STAR: variants seen among roughly 807,000 people sequenced by gnomAD.
STAR encodes steroidogenic acute regulatory protein, mitochondrial.
In STAR, 32 loss-of-function variants were observed where a neutral mutation model predicts 32.3. The observed-to-expected ratio is 0.99, with a 90% CI of 0.75 to 1.33. STAR has a LOEUF of 1.33. Among genes scored for constraint, STAR ranks in the 40% most tolerant of loss-of-function variants. STAR has a pLI of 0.00. For synonymous variants in STAR, 134 were observed against 140.5 expected (o/e 0.95, Z 0.33); for missense variants, 375 against 379.0 (o/e 0.99, Z 0.09).
At chr8:38,150,012 C>G (rs984906873) in intron 1 of STAR, among the ~76,000 whole-genome samples, 3 of 151,870 alleles carry the variant, frequency 2.0e-5, no homozygotes, top group Non-Finnish European at 4.4e-5. Context: ...TCCCAGCTAC[C>G]CAGGAGGCGG....
At chr8:38,144,424 G>A in intron 6 of STAR, 38 bp from the exon 7 acceptor site, 1 of 1,557,326 alleles carries the variant, frequency 6.4e-7, no homozygotes, top group Non-Finnish European at 8.7e-7. Context: ...CATCTTGTGG[G>A]TTTTGGCCCA....
Position 38,146,570 on chromosome 8 carries a change from G to A in STAR, c.307-123C>T, listed in dbSNP as rs1802578197. 5.6e-6 allele frequency: 6 copies of A among 1,063,018 alleles called. No homozygotes were observed. In the East Asian group the frequency reaches 1.6e-4, roughly 28 times the overall value. 65.8% of individuals were successfully genotyped at this position (1,063,018 alleles called of 1,614,324 possible). ...AGGTGGGTGGATCACAAGGTCAGGA[G>A]TTCGAGACCAGCCTGGCCAAGATGG... On this transcript the variant is annotated intron_variant, in intron 3 of 6. Transcript: ENST00000276449.
chr8:38,150,865 T>TGCCGCC lies in STAR; in HGVS notation c.-53_-48dup. On this transcript the variant is annotated 5_prime_UTR_variant, in exon 1 of 7. Transcript: ENST00000276449. ...GTGGTGGGGTCGCTGCCGCTGCTGC[T>TGCCGCC]GCCGCCGCTGCTGCTGCCTCTTCTC... The TGCCGCC allele has an allele frequency of 6.3e-7, 1 of 1,599,360 alleles. No homozygotes were observed. The highest frequency in any genetic ancestry group is 8.5e-7 in the Non-Finnish European group (1 of 1,179,678).
At chr8:38,145,428 T>C in intron 5 of STAR, 113 bp from the exon 6 acceptor site, 1 of 1,446,952 alleles carries the variant, frequency 6.9e-7, no homozygotes, top group South Asian at 1.2e-5. Flanking sequence ...CTTTTCTGAG[T>C]CTCATCAGGG....
chr8:38,147,995 A>G (rs1802602786), intron 3 of STAR, among the ~76,000 whole-genome samples: 1 of 152,250 alleles, frequency 6.6e-6, no homozygotes. Context: ...GTGTTTCTCA[A>G]ACAGGACTCT....
intron 1 of STAR, among the ~76,000 whole-genome samples, chr8:38,149,976 C>A (rs1802639247): frequency 6.6e-6 from 1 of 152,108 alleles, no homozygotes; most frequent in African/African-American, 2.4e-5. Context: ...CAAAAACTAG[C>A]CAGGCGTGGT....
Position 38,150,871 on chromosome 8 carries a change from C to CGCTGCT in STAR, c.-59_-54dup. 1 of 1,600,676 alleles carries CGCTGCT rather than the reference C, an allele frequency of 6.2e-7. No homozygotes were observed. Among genetic ancestry groups the CGCTGCT allele is most frequent in the South Asian group, 1.1e-5 (1 of 91,044 alleles). ...GGGTCGCTGCCGCTGCTGCTGCCGCCGCTGCTGCTGCCTCTTCTCTCAAGG... is the reference window on the plus strand; with the variant it reads ...GGGTCGCTGCCGCTGCTGCTGCCGCCGCTGCTGCTGCTGCTGCCTCTTCTCTCAAGG... On this transcript the variant is annotated 5_prime_UTR_variant, in exon 1 of 7. Coordinates refer to ENST00000276449, the MANE Select transcript of STAR (RefSeq NM_000349.3).
Position 38,143,092 on chromosome 8 carries a change from T to C in STAR, c.*1181A>G, listed in dbSNP as rs540378886. The stretch of plus-strand genomic sequence containing the variant: ...ATCTTCATCTTCCAGGGCCCATTAA[T>C]CAGCTATTGCTTATAGAATTCTTTA... On this transcript the variant is annotated 3_prime_UTR_variant, in exon 7 of 7. Transcript: ENST00000276449. Among the ~76,000 whole-genome samples the C allele has an allele frequency of 6.6e-6, 1 of 152,322 alleles. No homozygotes were observed. Among genetic ancestry groups the C allele is most frequent in the African/African-American group, 2.4e-5 (1 of 41,584 alleles).
chr8:38,148,095 T>A, intron 3 of STAR, 105 bp downstream of exon 3: 7 of 1,500,754 alleles, frequency 4.7e-6, no homozygotes, highest in Non-Finnish European at 6.4e-6. Context: ...TGCTACCCAG[T>A]GACTGCTGCA....
chr8:38,150,705 T>A (rs766025623), intron 1 of STAR, 50 bp downstream of exon 1: 10 of 1,602,754 alleles, frequency 6.2e-6, no homozygotes. Flanking sequence ...CTGAGCCTCA[T>A]CCGCTGAGAG....
Position 38,148,637 on chromosome 8 carries a change from T to G in STAR, c.178+4A>C. ...ACCAGGAGCCCAGAAGCCTCAGCAC[T>G]TACCGAGTAGAGAGCTCCGCCGCCG... On this transcript the variant is annotated splice_donor_region_variant and intron_variant, in intron 2 of 6. Transcript: ENST00000276449. 6.2e-7 allele frequency: 1 copy of G among 1,613,864 alleles called. No homozygotes were observed. Among genetic ancestry groups the G allele is most frequent in the Non-Finnish European group, 8.5e-7 (1 of 1,179,834 alleles).
intron 5 of STAR, 155 bp from the exon 6 acceptor site, chr8:38,145,470 A>G (rs758895763): frequency 5.1e-6 from 5 of 977,048 alleles, no homozygotes; most frequent in Non-Finnish European, 7.8e-6. Context: ...ATTATTTGGC[A>G]GTTGGCACAG....
intron 2 of STAR, 156 bp from the exon 3 acceptor site, chr8:38,148,483 G>C (rs1268453975): frequency 7.2e-7 from 1 of 1,386,028 alleles, no homozygotes; most frequent in Non-Finnish European, 1.0e-6. Flanking sequence ...GCCGCCCCAG[G>C]TGACCAGAGA....
chr8:38,145,775 G>A, intron 5 of STAR, 188 bp downstream of exon 5: 1 of 706,552 alleles, frequency 1.4e-6, no homozygotes. Flanking sequence ...AAGCTGTCTG[G>A]CTGTCCAAGT....
intron 3 of STAR, 125 bp from the exon 4 acceptor site, chr8:38,146,572 T>G: frequency 9.5e-7 from 1 of 1,047,602 alleles, no homozygotes; most frequent in East Asian, 2.6e-5. Flanking sequence ...GGTCAGGAGT[T>G]CGAGACCAGC....
chr8:38,146,778 A>T (rs142217233), intron 3 of STAR, among the ~76,000 whole-genome samples: 75 of 29,884 alleles, frequency 2.5e-3, no homozygotes, highest in African/African-American at 3.7e-3. Context: ...AAAAAAAAAA[A>T]TTTTATATAT....
At chr8:38,145,731 T>C in intron 5 of STAR, 1 of 614,662 alleles carries the variant, frequency 1.6e-6, no homozygotes, top group South Asian at 2.0e-5. Context: ...CAGAAAATTA[T>C]TAAGGTTCTT....
At position 38,145,937 on chromosome 8, in the gene STAR, G is replaced by T. The variant is rs767093458; in HGVS notation, c.650+26C>A. 6.8e-6 allele frequency: 11 copies of T among 1,612,476 alleles called. No homozygotes were observed. In the East Asian group the frequency reaches 1.6e-4, roughly 23 times the overall value. On this transcript the variant is annotated intron_variant, in intron 5 of 6. Coordinates refer to ENST00000276449, the MANE Select transcript of STAR (RefSeq NM_000349.3). ...CTGCAGGCCTGTGTTAGAAGAGGGG[G>T]GTTTGGAGCCTGCTGCCCGTATTAC... is the stretch of plus-strand genomic sequence containing the variant.
In STAR at chr8:38,150,783, G is replaced by T; in HGVS notation, c.36C>A (p.Ser12Arg). The change falls in exon 1 of 7, where the codon AGC becomes AGA. Residue 12 changes from serine to arginine, a missense_variant. Ser to Arg is a moderately radical substitution (Grantham distance 110). Transcript: ENST00000276449. ...TCATGTTGCGCATGTGTCTGTAGGA[G>T]CTCCCAGCGCACAGCTTGAATGTCG... ...LLATFKLCAG[S>R]SYRHMRNMKG... 6.2e-7 allele frequency: 1 copy of T among 1,607,134 alleles called. No homozygotes were observed.
Sources: gnomAD v4.1 joint callset for allele counts (sites outside exome capture counted in the v4.1 genomes callset) on GRCh38, gnomAD v4.1.1 for gene constraint, MANE v1.5 for transcripts, NCBI Gene and HGNC (gene_info 2026-07-23, HGNC 2026-07-21) for gene names.